IGSF11: variants seen among roughly 807,000 people sequenced by gnomAD.
The protein encoded by IGSF11 is immunoglobulin superfamily member 11.
IGSF11 carries 22 observed loss-of-function variants against 41.0 expected under a neutral mutation model. The ratio of observed to expected loss-of-function variants is 0.54; its 90% confidence interval spans 0.38 to 0.77. The LOEUF (loss-of-function observed/expected upper bound fraction) is 0.77. IGSF11 is among the 30% of genes least tolerant of loss of function. IGSF11 has a pLI of 0.00. For synonymous variants in IGSF11, 219 were observed against 201.3 expected (o/e 1.09, Z -0.74); for missense variants, 444 against 530.8 (o/e 0.84, Z 1.61).
intron 1 of IGSF11, among the ~76,000 whole-genome samples, chr3:119,033,979 T>C (rs1940663433): frequency 6.6e-6 from 1 of 152,248 alleles, no homozygotes; most frequent in Admixed American, 6.5e-5. Flanking sequence ...TTAAGTCCTT[T>C]GGAGATGAAG....
At chr3:119,029,690 G>A (rs1471695322) in intron 1 of IGSF11, among the ~76,000 whole-genome samples, 5 of 152,128 alleles carry the variant, frequency 3.3e-5, no homozygotes, top group Admixed American at 2.0e-4. Context: ...GAAACTTTGG[G>A]CAAAAGTGAG....
At chr3:119,132,548 T>C (rs2077499394) in intron 1 of IGSF11, among the ~76,000 whole-genome samples, 1 of 152,050 alleles carries the variant, frequency 6.6e-6, no homozygotes, top group Non-Finnish European at 1.5e-5. Flanking sequence ...ATGCACCCAA[T>C]ATGGGAGCAC....
Position 118,928,730 on chromosome 3 carries a change from C to A in IGSF11, c.217-14G>T, listed in dbSNP as rs768498956. 4.4e-6 allele frequency: 7 copies of A among 1,602,566 alleles called. No individual in the cohort carries two copies. In the East Asian group the frequency reaches 1.6e-4, roughly 36 times the overall value. ...ATACAGGATGACCTGGAAAAGAAAG[C>A]AAAATAAATAAACTGGCCACTCTAT... On this transcript the variant is annotated splice_polypyrimidine_tract_variant and intron_variant, in intron 2 of 6. Coordinates refer to ENST00000393775, the MANE Select transcript of IGSF11 (RefSeq NM_001015887.3).
chr3:119,142,638 G>T (rs1011429694), intron 1 of IGSF11, among the ~76,000 whole-genome samples: 1 of 151,978 alleles, frequency 6.6e-6, no homozygotes, highest in Non-Finnish European at 1.5e-5. Flanking sequence ...TGCATGGTGG[G>T]AGCTCCAGAA....
chr3:118,926,342 G>A (rs1415767906), intron 3 of IGSF11, 86 bp from the exon 4 acceptor site: 1 of 1,122,514 alleles, frequency 8.9e-7, no homozygotes. Context: ...CAGTACATTG[G>A]ACCCTTAGAT....
chr3:118,955,170 A>G (rs1353485413), intron 1 of IGSF11, among the ~76,000 whole-genome samples: 1 of 152,122 alleles, frequency 6.6e-6, no homozygotes, highest in African/African-American at 2.4e-5. Context: ...ATGCCCATCA[A>G]TCAATGAGTG....
At chr3:119,105,183 C>A (rs2077002274) in exon 1 of IGSF11, 3 of 1,605,828 alleles carry the variant, frequency 1.9e-6, no homozygotes, top group Non-Finnish European at 2.6e-6. Flanking sequence ...AAAAGTTCCA[C>A]CAGAGACATT....
intron 4 of IGSF11, among the ~76,000 whole-genome samples, chr3:118,914,008 G>A (rs986961066): frequency 6.6e-6 from 1 of 152,088 alleles, no homozygotes; most frequent in African/African-American, 2.4e-5. Flanking sequence ...TAGGGAAAAT[G>A]GAAGAAAGAC....
intron 1 of IGSF11, among the ~76,000 whole-genome samples, chr3:119,085,136 T>A (rs1236698278): frequency 6.6e-6 from 1 of 152,024 alleles, no homozygotes; most frequent in East Asian, 1.9e-4. Context: ...GGCTCAAGAG[T>A]GGAGCTGGTG....
At chr3:119,110,576 T>C (rs1221547561) in intron 1 of IGSF11, among the ~76,000 whole-genome samples, 1 of 152,206 alleles carries the variant, frequency 6.6e-6, no homozygotes, top group Non-Finnish European at 1.5e-5. Flanking sequence ...AATTGGAGCA[T>C]TTAGTCCATT....
chr3:118,998,289 T>C (rs1936466765), intron 1 of IGSF11, among the ~76,000 whole-genome samples: 1 of 152,118 alleles, frequency 6.6e-6, no homozygotes, highest in Non-Finnish European at 1.5e-5. Flanking sequence ...AAATCAATTG[T>C]TTTATATCTA....
intron 4 of IGSF11, among the ~76,000 whole-genome samples, chr3:118,907,461 TA>T (rs1482964559): frequency 6.6e-6 from 1 of 151,974 alleles, no homozygotes; most frequent in African/African-American, 2.4e-5. Context: ...CAGAGGGGGA[TA>T]GGGGAGCATA....
intron 1 of IGSF11, among the ~76,000 whole-genome samples, chr3:119,099,786 T>C (rs2076912823): frequency 6.6e-6 from 1 of 152,230 alleles, no homozygotes; most frequent in Non-Finnish European, 1.5e-5. Flanking sequence ...GAGGTTGCAG[T>C]AAGATCCATG....
intron 1 of IGSF11, among the ~76,000 whole-genome samples, chr3:119,139,455 A>T (rs4234651): frequency 6.6e-6 from 1 of 152,170 alleles, no homozygotes; most frequent in African/African-American, 2.4e-5. Flanking sequence ...ATTGAATCAC[A>T]GGGGTGGATC....
At chr3:119,058,981 G>A (rs1465049778) in intron 1 of IGSF11, among the ~76,000 whole-genome samples, 5 of 151,962 alleles carry the variant, frequency 3.3e-5, no homozygotes, top group Admixed American at 1.3e-4. Context: ...TTGTGGGGTG[G>A]GGGGAGAGGG....
At chr3:119,099,797 G>A (rs180914905) in intron 1 of IGSF11, among the ~76,000 whole-genome samples, 1 of 152,282 alleles carries the variant, frequency 6.6e-6, no homozygotes. Context: ...AAGATCCATG[G>A]TTTTAGAAAA....
intron 1 of IGSF11, among the ~76,000 whole-genome samples, chr3:119,142,332 G>A (rs1460036621): frequency 6.7e-6 from 1 of 149,646 alleles, no homozygotes; most frequent in Non-Finnish European, 1.5e-5. Flanking sequence ...AAAAGCACAT[G>A]CATGCCCACG....
At chr3:118,926,407 G>A in intron 3 of IGSF11, 151 bp from the exon 4 acceptor site, 1 of 603,852 alleles carries the variant, frequency 1.7e-6, no homozygotes, top group South Asian at 3.0e-5. Context: ...GAACCCAGGG[G>A]AGGCATGTAC....
intron 1 of IGSF11, among the ~76,000 whole-genome samples, chr3:119,087,786 T>A (rs77335181): frequency 0.032 from 4,833 of 151,886 alleles, 230 homozygotes; most frequent in African/African-American, 0.11. Context: ...AAAATTAAAA[T>A]TTTTTTTAAT....
Sources: gnomAD v4.1 joint callset for allele counts (sites outside exome capture counted in the v4.1 genomes callset) on GRCh38, gnomAD v4.1.1 for gene constraint, MANE v1.5 for transcripts, NCBI Gene and HGNC (gene_info 2026-07-23, HGNC 2026-07-21) for gene names.